The following GALNT17 variants were observed in gnomAD, a reference collection of about 807,000 sequenced individuals.
The protein encoded by GALNT17 is polypeptide N-acetylgalactosaminyltransferase 17, also known as UDP-GalNAc:polypeptide N-acetylgalactosaminyltransferase-like 3.
In GALNT17, 29 loss-of-function variants were observed where a neutral mutation model predicts 63.7. The observed-to-expected ratio is 0.46, with a 90% confidence interval of 0.34 to 0.62. The LOEUF (loss-of-function observed/expected upper bound fraction) is 0.62. Ranked by LOEUF, GALNT17 falls within the 20% of genes least tolerant of loss-of-function variation. GALNT17 has a pLI of 0.01. For synonymous variants in GALNT17, 305 were observed against 318.3 expected (o/e 0.96, Z 0.45); for missense variants, 603 against 799.6 (o/e 0.75, Z 2.97).
chr7:71,193,808 C>T (rs1280709752), intron 1 of GALNT17, among the ~76,000 whole-genome samples: 2 of 152,058 alleles, frequency 1.3e-5, no homozygotes, highest in Non-Finnish European at 2.9e-5. Context: ...AGAATGAAAG[C>T]TGGGGAATTA....
intron 6 of GALNT17, among the ~76,000 whole-genome samples, chr7:71,662,014 A>G (rs904772743): frequency 6.6e-6 from 1 of 151,980 alleles, no homozygotes; most frequent in East Asian, 1.9e-4. Flanking sequence ...TCCACTCCTA[A>G]CAGCTACATC....
At chr7:71,503,816 C>T (rs1788220568) in intron 5 of GALNT17, among the ~76,000 whole-genome samples, 1 of 152,126 alleles carries the variant, frequency 6.6e-6, no homozygotes, top group South Asian at 2.1e-4. Flanking sequence ...TTAATAAGGG[C>T]TGGGCACCGT....
At chr7:71,133,223 T>G (rs565356106) in intron 1 of GALNT17, among the ~76,000 whole-genome samples, 183 bp downstream of exon 1, 3 of 152,254 alleles carry the variant, frequency 2.0e-5, no homozygotes, top group Admixed American at 1.3e-4. Context: ...AAAGAACAAC[T>G]TGCCTGATTC....
intron 1 of GALNT17, among the ~76,000 whole-genome samples, chr7:71,174,867 A>C: frequency 6.6e-6 from 1 of 152,182 alleles, no homozygotes; most frequent in East Asian, 1.9e-4. Flanking sequence ...GTGGGCTCAG[A>C]GGCCTGACAT....
At chr7:71,685,507 T>C (rs1255898233) in intron 9 of GALNT17, 1 of 152,202 alleles carries the variant, frequency 6.6e-6, no homozygotes, top group Admixed American at 6.5e-5. Context: ...TGAGCATCTA[T>C]TTTGAGAACT....
chr7:71,637,752 C>T (rs1261061854), intron 6 of GALNT17, among the ~76,000 whole-genome samples: 1 of 152,126 alleles, frequency 6.6e-6, no homozygotes, highest in African/African-American at 2.4e-5. Flanking sequence ...TCGCTGTGCT[C>T]AGCCAGCATG....
At chr7:71,148,890 A>ATATATG (rs1554333282) in intron 1 of GALNT17, among the ~76,000 whole-genome samples, 11 of 133,462 alleles carry the variant, frequency 8.2e-5, no homozygotes, top group Middle Eastern at 4.2e-3. Context: ...ATATATATAT[A>ATATATG]TATGTATACC....
chr7:71,265,404 C>T (rs558387479), intron 1 of GALNT17, among the ~76,000 whole-genome samples: 11 of 151,808 alleles, frequency 7.2e-5, no homozygotes, highest in African/African-American at 2.4e-4. Flanking sequence ...GGATTACAGA[C>T]GTGAGCCACT....
At chr7:71,394,107 C>T (rs187820240) in intron 3 of GALNT17, among the ~76,000 whole-genome samples, 5 of 152,212 alleles carry the variant, frequency 3.3e-5, no homozygotes, top group South Asian at 2.1e-4. Context: ...ATTTCACACA[C>T]GGTTCTGTAG....
chr7:71,250,524 A>G (rs1443539741), intron 1 of GALNT17, among the ~76,000 whole-genome samples: 1 of 152,144 alleles, frequency 6.6e-6, no homozygotes, highest in East Asian at 1.9e-4. Context: ...TATAGAGTGA[A>G]TGAAATTAGC....
chr7:71,243,778 G>A (rs1489843107), intron 1 of GALNT17, among the ~76,000 whole-genome samples: 1 of 152,094 alleles, frequency 6.6e-6, no homozygotes, highest in African/African-American at 2.4e-5. Flanking sequence ...GGGGCAGATA[G>A]TATGAGGAAT....
intron 5 of GALNT17, among the ~76,000 whole-genome samples, chr7:71,449,134 G>A (rs1246588051): frequency 1.4e-3 from 1 of 696 alleles, no homozygotes; most frequent in Non-Finnish European, 4.6e-3. Context: ...TTTTTTTGAG[G>A]CAGAGTCTCG....
chr7:71,183,041 C>G (rs1039645566), intron 1 of GALNT17, among the ~76,000 whole-genome samples: 1 of 152,138 alleles, frequency 6.6e-6, no homozygotes, highest in Non-Finnish European at 1.5e-5. Context: ...CATTGTGGAC[C>G]TTGCGGAGTT....
intron 6 of GALNT17, among the ~76,000 whole-genome samples, chr7:71,589,686 G>A (rs914644746): frequency 3.9e-5 from 6 of 152,114 alleles, no homozygotes; most frequent in African/African-American, 1.4e-4. Flanking sequence ...TGAGATTTCT[G>A]TGCGTTTTTC....
intron 1 of GALNT17, among the ~76,000 whole-genome samples, chr7:71,248,457 A>T (rs1249781128): frequency 6.6e-6 from 1 of 152,218 alleles, no homozygotes; most frequent in African/African-American, 2.4e-5. Flanking sequence ...CTGTGTTATT[A>T]AGGGTCAACT....
At chr7:71,368,127 G>T (rs569801784) in intron 2 of GALNT17, among the ~76,000 whole-genome samples, 2 of 152,202 alleles carry the variant, frequency 1.3e-5, no homozygotes, top group East Asian at 3.8e-4. Context: ...GGAAGAGAGC[G>T]TGCACACACG....
chr7:71,670,166 G>A, intron 8 of GALNT17, 57 bp downstream of exon 8: 1 of 1,608,030 alleles, frequency 6.2e-7, no homozygotes. Flanking sequence ...GCTGTGGGTT[G>A]CTTCGCTGGG....
intron 2 of GALNT17, among the ~76,000 whole-genome samples, chr7:71,350,105 G>A (rs1318635038): frequency 6.6e-6 from 1 of 152,132 alleles, no homozygotes; most frequent in Non-Finnish European, 1.5e-5. Context: ...TTGTGGCATG[G>A]ATAAAATTGA....
chr7:71,267,262 G>T lies in GALNT17; in HGVS notation c.239-68288G>T, dbSNP rs531595633. 2.5e-4 allele frequency among the ~76,000 whole-genome samples: 38 copies of T among 152,308 alleles called. 1 individual carries two copies. In the South Asian group the frequency reaches 7.9e-3, roughly 32 times the overall value. Reference sequence around the variant, plus strand: ...GATGTAGGTGTCCTTTGCGAGCTGCGCAATTGGCTATTGCCAGGATGCCCT... The same window carrying T: ...GATGTAGGTGTCCTTTGCGAGCTGCTCAATTGGCTATTGCCAGGATGCCCT... On this transcript the variant is annotated intron_variant, in intron 1 of 10. Transcript: ENST00000333538.
Sources: gnomAD v4.1 joint callset for allele counts (sites outside exome capture counted in the v4.1 genomes callset) on GRCh38, gnomAD v4.1.1 for gene constraint, MANE v1.5 for transcripts, NCBI Gene and HGNC (gene_info 2026-07-23, HGNC 2026-07-21) for gene names.